The following ZFHX4 variants were observed in gnomAD, a reference collection of about 807,000 sequenced individuals.
ZFHX4 encodes the protein zinc finger homeobox protein 4.
Under a neutral mutation model 267.6 loss-of-function variants are expected in ZFHX4, and 56 were observed. That is an observed-to-expected ratio of 0.21 (90% CI 0.17 to 0.26). The LOEUF (loss-of-function observed/expected upper bound fraction) is 0.26. ZFHX4 is among the 10% of genes least tolerant of loss of function. ZFHX4 has a pLI of 1.00. For missense variants in ZFHX4, 4,332 were observed against 4,420.0 expected (o/e 0.98, Z 0.56); for synonymous variants, 1,778 against 1,665.6 (o/e 1.07, Z -1.64).
chr8:76,759,019 A>T (rs774052097), intron 3 of ZFHX4, among the ~76,000 whole-genome samples: 17 of 151,750 alleles, frequency 1.1e-4, no homozygotes, highest in Non-Finnish European at 1.8e-4. Flanking sequence ...TTTTCCACAA[A>T]ATAAAATCAT....
chr8:76,688,342 C>T (rs1260144932), intron 1 of ZFHX4, among the ~76,000 whole-genome samples: 3 of 152,014 alleles, frequency 2.0e-5, no homozygotes, highest in Non-Finnish European at 1.5e-5. Flanking sequence ...TGTAATCTGA[C>T]TTTTGGCAAT....
intron 1 of ZFHX4, 65 bp downstream of exon 1, chr8:76,681,685 T>A: frequency 2.6e-6 from 1 of 384,622 alleles, no homozygotes; most frequent in Non-Finnish European, 4.6e-6. Flanking sequence ...ATCGATTATC[T>A]TTCCAGCCTG....
chr8:76,842,457 T>A (rs1812259218), intron 5 of ZFHX4, among the ~76,000 whole-genome samples, 198 bp from the exon 6 acceptor site: 1 of 152,178 alleles, frequency 6.6e-6, no homozygotes, highest in African/African-American at 2.4e-5. Context: ...CAAAAGAAGA[T>A]CCTTTAGATA....
intron 3 of ZFHX4, among the ~76,000 whole-genome samples, chr8:76,749,889 T>C (rs1040013791): frequency 4.6e-5 from 7 of 152,186 alleles, no homozygotes; most frequent in African/African-American, 1.7e-4. Flanking sequence ...AAAAGGTTGA[T>C]TGCATTATAA....
At chr8:76,729,783 T>C in intron 3 of ZFHX4, among the ~76,000 whole-genome samples, 1 of 152,146 alleles carries the variant, frequency 6.6e-6, no homozygotes, top group East Asian at 1.9e-4. Flanking sequence ...ATATAACAGA[T>C]TGAAAAGCTC....
intron 10 of ZFHX4, among the ~76,000 whole-genome samples, chr8:76,862,089 C>G (rs1812883135): frequency 1.3e-5 from 2 of 152,194 alleles, no homozygotes; most frequent in African/African-American, 4.8e-5. Flanking sequence ...CAGGCTTTTA[C>G]AAGTCCCTTT....
At chr8:76,836,810 T>C (rs1812103921) in intron 5 of ZFHX4, among the ~76,000 whole-genome samples, 2 of 152,110 alleles carry the variant, frequency 1.3e-5, no homozygotes, top group Admixed American at 1.3e-4. Context: ...TATAAGACCA[T>C]TGCAGGAATA....
chr8:76,681,649 T>C (rs1807532821), intron 1 of ZFHX4, 29 bp downstream of exon 1: 2 of 392,776 alleles, frequency 5.1e-6, no homozygotes, highest in African/African-American at 4.1e-5. Context: ...TTTTATTGAG[T>C]AGTTTCTGTT....
chr8:76,849,465 A>G, intron 7 of ZFHX4, 47 bp from the exon 8 acceptor site: 1 of 1,522,302 alleles, frequency 6.6e-7, no homozygotes, highest in East Asian at 2.3e-5. Flanking sequence ...GTATCAAATA[A>G]GAAATGCATT....
intron 1 of ZFHX4, among the ~76,000 whole-genome samples, chr8:76,686,085 T>G (rs1200352244): frequency 6.6e-6 from 1 of 152,202 alleles, no homozygotes; most frequent in Non-Finnish European, 1.5e-5. Flanking sequence ...CTGTCTATCA[T>G]TTGGTGGTGT....
chr8:76,863,464 T>C lies in ZFHX4; in HGVS notation c.9750T>C (p.Ile3250=), dbSNP rs753674660. Reference sequence around the variant, plus strand: ...AGTTGCAGGCATTACAGAATGCAATTGCTGGTGACCCAGCTTCCTTTATAG... The same window carrying C: ...AGTTGCAGGCATTACAGAATGCAATCGCTGGTGACCCAGCTTCCTTTATAG... The part of the protein sequence containing the change: ...PIQLQALQNA[I]AGDPASFIGG... The change falls in exon 11 of 11, where the codon ATT becomes ATC. Residue 3250 remains isoleucine (I), a synonymous_variant. Transcript: ENST00000651372. 1.2e-6 allele frequency: 2 copies of C among 1,613,780 alleles called. No homozygotes were observed. Among genetic ancestry groups the C allele is most frequent in the Non-Finnish European group, 1.7e-6 (2 of 1,179,814 alleles).
At chr8:76,786,957 G>C (rs1810707045) in intron 4 of ZFHX4, among the ~76,000 whole-genome samples, 1 of 152,150 alleles carries the variant, frequency 6.6e-6, no homozygotes, top group Non-Finnish European at 1.5e-5. Context: ...AAGATCAAAT[G>C]ACCAACATAT....
intron 3 of ZFHX4, among the ~76,000 whole-genome samples, chr8:76,741,283 G>A (rs1476041308): frequency 6.6e-6 from 1 of 152,146 alleles, no homozygotes; most frequent in African/African-American, 2.4e-5. Context: ...CAATAGAGAG[G>A]TGGCTGTGTT....
At chr8:76,757,841 A>G (rs2131722652) in intron 3 of ZFHX4, among the ~76,000 whole-genome samples, 2 of 152,190 alleles carry the variant, frequency 1.3e-5, no homozygotes, top group South Asian at 4.2e-4. Flanking sequence ...CAATGAAGGG[A>G]GTCTTAGTGC....
At chr8:76,702,528 A>G (rs959217802) in intron 1 of ZFHX4, among the ~76,000 whole-genome samples, 1 of 152,168 alleles carries the variant, frequency 6.6e-6, no homozygotes, top group Non-Finnish European at 1.5e-5. Context: ...TAGTGAACCC[A>G]ATATTCTGTT....
chr8:76,853,604 C>A lies in ZFHX4; in HGVS notation c.6683C>A (p.Ser2228Tyr). The change falls in exon 10 of 11, where the codon TCT becomes TAT. Residue 2228 changes from serine (S) to tyrosine (Y), a missense_variant. This residue lies in a region of ZFHX4 where 62 missense variants were observed against 69.8 expected (regional missense o/e 0.89). Transcript: ENST00000651372. ...TCTGATGCATCATTCAGTAAAAGGT[C>A]TTCTAGAACGAGATTTACTGACTAC... ...YKSDASFSKRSSRTRFTDYQL... is the reference protein window; with the variant it reads ...YKSDASFSKRYSRTRFTDYQL... 2 of 1,613,850 alleles carry A rather than the reference C, an allele frequency of 1.2e-6. No individual in the cohort carries two copies. The highest frequency in any genetic ancestry group is 2.2e-5 in the East Asian group (1 of 44,818).
chr8:76,857,380 A>ATC (rs1491306453), intron 10 of ZFHX4, among the ~76,000 whole-genome samples: 1 of 141,360 alleles, frequency 7.1e-6, no homozygotes, highest in African/African-American at 2.6e-5. Context: ...ATATATATAT[A>ATC]TCTACATTTA....
intron 3 of ZFHX4, among the ~76,000 whole-genome samples, chr8:76,775,829 C>T (rs1041100955): frequency 1.3e-5 from 2 of 151,432 alleles, no homozygotes; most frequent in Admixed American, 6.6e-5. Flanking sequence ...CAGAGTAGAG[C>T]ATGGCCTGAA....
chr8:76,775,966 C>CTG (rs1810391211), intron 3 of ZFHX4, among the ~76,000 whole-genome samples: 1 of 149,976 alleles, frequency 6.7e-6, no homozygotes, highest in African/African-American at 2.5e-5. Flanking sequence ...GTCTGAATGG[C>CTG]TGTGGCCTGC....
Sources: allele counts gnomAD v4.1 joint callset (sites outside exome capture counted in the v4.1 genomes callset), GRCh38; gene constraint gnomAD v4.1.1; regional missense constraint gnomAD v4.1.1; transcripts MANE v1.5; gene names NCBI Gene and HGNC (gene_info 2026-07-23, HGNC 2026-07-21).